TLL1: variants seen among roughly 807,000 people sequenced by gnomAD.
TLL1 encodes tolloid-like protein 1.
Under a neutral mutation model 128.2 loss-of-function variants are expected in TLL1, and 49 were observed. The ratio of observed to expected loss-of-function variants is 0.38; its 90% confidence interval spans 0.30 to 0.48. The LOEUF (loss-of-function observed/expected upper bound fraction) is 0.48, where lower values mean the gene tolerates loss of function less well. Ranked by LOEUF, TLL1 falls within the 20% of genes least tolerant of loss-of-function variation. TLL1 has a pLI of 0.96. For synonymous variants in TLL1, 454 were observed against 418.8 expected, an observed-to-expected ratio of 1.08 and a Z score of -1.03; for missense variants, 1,123 against 1,242.0, an observed-to-expected ratio of 0.90 and a Z score of 1.44.
chr4:165,996,485 T>C (rs1467169446), intron 5 of TLL1, among the ~76,000 whole-genome samples: 1 of 152,014 alleles, frequency 6.6e-6, no homozygotes, highest in Non-Finnish European at 1.5e-5. Context: ...GGCGCGCACC[T>C]GTAATCAGGA....
intron 1 of TLL1, among the ~76,000 whole-genome samples, chr4:165,919,593 G>A (rs960989215): frequency 2.0e-5 from 3 of 151,684 alleles, no homozygotes; most frequent in African/African-American, 4.8e-5. Context: ...ATATTATCAC[G>A]CCATCAAGGC....
rs967403012 is a variant in TLL1 at position 166,103,420 on chromosome 4, T to C, written c.*2544T>C. ...AGTATGAGCCTTTTGTGAAAATAAATATATTAAATTATTTTGCCTGATGTG... is the reference window on the plus strand; with the variant it reads ...AGTATGAGCCTTTTGTGAAAATAAACATATTAAATTATTTTGCCTGATGTG... On this transcript the variant is annotated 3_prime_UTR_variant, in exon 21 of 21. Coordinates refer to ENST00000061240, the MANE Select transcript of TLL1 (RefSeq NM_012464.5). The C allele has an allele frequency of 4.6e-5, 7 of 151,790 alleles. No individual in the cohort carries two copies. The highest frequency in any genetic ancestry group is 1.4e-4 in the African/African-American group (6 of 41,400). 9.4% of individuals were successfully genotyped at this position (151,790 alleles called of 1,614,324 possible).
intron 1 of TLL1, among the ~76,000 whole-genome samples, chr4:165,894,482 T>C (rs2110838215): frequency 1.3e-5 from 2 of 152,294 alleles, no homozygotes; most frequent in Admixed American, 1.3e-4. Context: ...AGCAAAAATA[T>C]CTTTCATGAA....
At chr4:166,042,568 A>G (rs1336589078) in intron 11 of TLL1, among the ~76,000 whole-genome samples, 1 of 152,234 alleles carries the variant, frequency 6.6e-6, no homozygotes, top group Non-Finnish European at 1.5e-5. Context: ...CTTTATCTAA[A>G]TAAGAGAGTC....
chr4:166,030,919 T>G, intron 9 of TLL1: 1 of 982,342 alleles, frequency 1.0e-6, no homozygotes, highest in Non-Finnish European at 1.2e-6. Context: ...TATAGTTGGC[T>G]GCACATTTAA....
At chr4:166,007,582 A>G (rs965150697) in intron 6 of TLL1, among the ~76,000 whole-genome samples, 3 of 151,586 alleles carry the variant, frequency 2.0e-5, no homozygotes, top group Admixed American at 6.6e-5. Context: ...TAAAAATGGG[A>G]AACTCATAGA....
chr4:166,056,783 C>T (rs1740028272), intron 13 of TLL1, among the ~76,000 whole-genome samples: 1 of 152,066 alleles, frequency 6.6e-6, no homozygotes, highest in African/African-American at 2.4e-5. Context: ...CTTCAGTTGG[C>T]CCAGCAATAG....
chr4:166,015,827 G>T (rs1737911068), intron 8 of TLL1, among the ~76,000 whole-genome samples: 1 of 151,056 alleles, frequency 6.6e-6, no homozygotes, highest in African/African-American at 2.4e-5. Context: ...CTTAATACTA[G>T]ATTTGCTAAG....
intron 1 of TLL1, among the ~76,000 whole-genome samples, chr4:165,913,584 T>C (rs565223351): frequency 1.3e-5 from 2 of 152,348 alleles, no homozygotes; most frequent in East Asian, 3.9e-4. Flanking sequence ...CCATTCTGCA[T>C]ATTGCCCTTA....
At chr4:165,938,414 A>G (rs981267054) in intron 1 of TLL1, among the ~76,000 whole-genome samples, 1 of 152,076 alleles carries the variant, frequency 6.6e-6, no homozygotes, top group Admixed American at 6.6e-5. Flanking sequence ...TAGGTGAACC[A>G]TTTTTATCTA....
chr4:166,103,378 C>A lies in TLL1; in HGVS notation c.*2502C>A, dbSNP rs1742374497. On this transcript the variant is annotated 3_prime_UTR_variant, in exon 21 of 21. Coordinates refer to ENST00000061240, the MANE Select transcript of TLL1 (RefSeq NM_012464.5). ...GAATTAGTACTAGAAATTTAAAAAA[C>A]CCTATAGTTTGGAGTTAGTATGAGC... 6.6e-6 allele frequency: 1 copy of A among 151,694 alleles called. No homozygotes were observed. The highest frequency in any genetic ancestry group is 6.6e-5 in the Admixed American group (1 of 15,162). 9.4% of individuals were successfully genotyped at this position (151,694 alleles called of 1,614,324 possible).
At chr4:165,997,171 T>C (rs1736922543) in intron 5 of TLL1, among the ~76,000 whole-genome samples, 1 of 152,204 alleles carries the variant, frequency 6.6e-6, no homozygotes, top group Non-Finnish European at 1.5e-5. Context: ...TCTATGATAA[T>C]GCTTCACTTA....
At chr4:165,991,702 C>T (rs1201089424) in intron 2 of TLL1, among the ~76,000 whole-genome samples, 1 of 151,614 alleles carries the variant, frequency 6.6e-6, no homozygotes, top group African/African-American at 2.4e-5. Flanking sequence ...TTAGGTGCAT[C>T]ACAATTTTAA....
At position 166,065,676 on chromosome 4, in the gene TLL1, T is replaced by C; in HGVS notation, c.2008-7T>C. ...ATCTGGCAACTGATAACCACATTTTTTTCTAGGTTTGCAAATATGATTATG... is the reference window on the plus strand; with the variant it reads ...ATCTGGCAACTGATAACCACATTTTCTTCTAGGTTTGCAAATATGATTATG... On this transcript the variant is annotated splice_region_variant and splice_polypyrimidine_tract_variant and intron_variant, in intron 15 of 20. Transcript: ENST00000061240. 6.2e-7 allele frequency: 1 copy of C among 1,612,746 alleles called. No homozygotes were observed. The highest frequency in any genetic ancestry group is 8.5e-7 in the Non-Finnish European group (1 of 1,179,120).
chr4:165,895,633 TAAAA>T (rs57920393), intron 1 of TLL1, among the ~76,000 whole-genome samples: 6 of 68,446 alleles, frequency 8.8e-5, no homozygotes, highest in South Asian at 4.0e-4. Context: ...AGACTTTTTG[TAAAA>T]AAAAAAAAAA....
At position 165,928,867 on chromosome 4, in the gene TLL1, A is replaced by G. The variant is rs377043469; in HGVS notation, c.169+54794A>G. On this transcript the variant is annotated intron_variant, in intron 1 of 20. Coordinates refer to ENST00000061240, the MANE Select transcript of TLL1 (RefSeq NM_012464.5). ...ACTTGTGATGCAGACAAGTTCAAGT[A>G]CAACAAATCCAATTTTTTAAAAAGT... Among the ~76,000 whole-genome samples, 16 of 152,344 alleles carry G rather than the reference A, an allele frequency of 1.1e-4. 1 individual carries two copies. Among genetic ancestry groups the G allele is most frequent in the Admixed American group, 4.6e-4 (7 of 15,304 alleles).
intron 1 of TLL1, among the ~76,000 whole-genome samples, chr4:165,933,185 G>A (rs193289837): frequency 2.0e-5 from 3 of 152,214 alleles, no homozygotes; most frequent in African/African-American, 4.8e-5. Flanking sequence ...GCCTCATTCT[G>A]CATAATTGTT....
chr4:166,080,651 CG>C (rs1335493267), intron 18 of TLL1, among the ~76,000 whole-genome samples: 1 of 151,906 alleles, frequency 6.6e-6, no homozygotes, highest in Non-Finnish European at 1.5e-5. Flanking sequence ...TGTCTGGAAA[CG>C]GATGCATCTC....
At chr4:166,089,102 A>C (rs903594881) in intron 18 of TLL1, among the ~76,000 whole-genome samples, 1 of 152,150 alleles carries the variant, frequency 6.6e-6, no homozygotes, top group Non-Finnish European at 1.5e-5. Context: ...TAGTGACTTT[A>C]AATCACAATC....
Sources: gnomAD v4.1 joint callset for allele counts (sites outside exome capture counted in the v4.1 genomes callset) on GRCh38, gnomAD v4.1.1 for gene constraint, MANE v1.5 for transcripts, NCBI Gene and HGNC (gene_info 2026-07-23, HGNC 2026-07-21) for gene names.